Variants in FAM13A observed in about 807,000 individuals in gnomAD.
FAM13A encodes the protein family with sequence similarity 13 member A.
Under a neutral mutation model 129.6 loss-of-function variants are expected in FAM13A, and 76 were observed. The observed-to-expected ratio is 0.59, with a 90% CI of 0.49 to 0.71. The LOEUF (loss-of-function observed/expected upper bound fraction) is 0.71, where lower values mean the gene tolerates loss of function less well. FAM13A is among the 30% of genes least tolerant of loss of function. The pLI is 0.00. For missense variants in FAM13A, 1,108 were observed against 1,249.3 expected, an observed-to-expected ratio of 0.89 and a Z score of 1.70; for synonymous variants, 443 against 449.9, an observed-to-expected ratio of 0.98 and a Z score of 0.20.
At chr4:88,847,385 T>C (rs1019336172) in intron 7 of FAM13A, among the ~76,000 whole-genome samples, 9 of 152,154 alleles carry the variant, frequency 5.9e-5, no homozygotes, top group African/African-American at 1.9e-4. Context: ...AGTTAAAGCC[T>C]GTCTTAAAAA....
intron 9 of FAM13A, among the ~76,000 whole-genome samples, chr4:88,789,024 A>G (rs1364679182): frequency 6.6e-6 from 1 of 152,206 alleles, no homozygotes; most frequent in East Asian, 1.9e-4. Flanking sequence ...TAATCACAGT[A>G]CAGAGGATTG....
At chr4:89,046,715 G>C (rs796918269) in intron 1 of FAM13A, among the ~76,000 whole-genome samples, 14 of 152,226 alleles carry the variant, frequency 9.2e-5, no homozygotes, top group African/African-American at 3.4e-4. Flanking sequence ...GCCGGGTGTA[G>C]AGGCATGTGC....
At chr4:88,948,566 G>C (rs2148864750) in intron 4 of FAM13A, among the ~76,000 whole-genome samples, 1 of 151,752 alleles carries the variant, frequency 6.6e-6, no homozygotes, top group Admixed American at 6.6e-5. Context: ...TCAGCTCACT[G>C]CAACCTCCGC....
chr4:88,931,648 C>A (rs1005690212), intron 5 of FAM13A, among the ~76,000 whole-genome samples: 2 of 152,176 alleles, frequency 1.3e-5, no homozygotes, highest in Non-Finnish European at 2.9e-5. Flanking sequence ...TTGATCTCAA[C>A]TCTATGATCT....
chr4:89,015,141 T>C (rs1415618980), intron 3 of FAM13A, among the ~76,000 whole-genome samples: 2 of 152,138 alleles, frequency 1.3e-5, no homozygotes, highest in African/African-American at 4.8e-5. Flanking sequence ...CGAGGAAATT[T>C]TGGTCAGACT....
chr4:88,849,598 T>A (rs1359675587), intron 7 of FAM13A, among the ~76,000 whole-genome samples: 2 of 152,242 alleles, frequency 1.3e-5, no homozygotes, highest in Non-Finnish European at 2.9e-5. Context: ...TTATAATTTC[T>A]TAATATCTTT....
At chr4:88,958,360 C>A (rs573966722) in intron 4 of FAM13A, among the ~76,000 whole-genome samples, 3 of 152,336 alleles carry the variant, frequency 2.0e-5, no homozygotes, top group South Asian at 4.1e-4. Flanking sequence ...AGCTCCACCC[C>A]TGGCTCAAAG....
chr4:88,918,862 C>G (rs76630733), intron 5 of FAM13A, among the ~76,000 whole-genome samples: 152 of 152,300 alleles, frequency 1.0e-3, no homozygotes, highest in African/African-American at 3.4e-3. Context: ...AGCCACATGA[C>G]AAGCCAATTC....
At chr4:89,037,286 GA>G (rs1352583372) in intron 1 of FAM13A, among the ~76,000 whole-genome samples, 1 of 152,252 alleles carries the variant, frequency 6.6e-6, no homozygotes, top group Non-Finnish European at 1.5e-5. Context: ...GGGTGGCCTG[GA>G]TGTGAAACAA....
chr4:88,906,256 C>G, intron 6 of FAM13A, 123 bp downstream of exon 6: 1 of 707,352 alleles, frequency 1.4e-6, no homozygotes, highest in Non-Finnish European at 2.4e-6. Context: ...CCACTGCACT[C>G]CAGCCTGGAC....
At chr4:88,845,494 A>G (rs990983657) in intron 7 of FAM13A, among the ~76,000 whole-genome samples, 7 of 152,154 alleles carry the variant, frequency 4.6e-5, no homozygotes, top group African/African-American at 1.7e-4. Flanking sequence ...TGCATTTTGG[A>G]CAGAAGGGCG....
chr4:88,845,010 A>G (rs1047115370), intron 7 of FAM13A, among the ~76,000 whole-genome samples: 1 of 152,238 alleles, frequency 6.6e-6, no homozygotes, highest in African/African-American at 2.4e-5. Context: ...CATCACATAT[A>G]GAGTTAAGAG....
chr4:88,956,223 G>A (rs2148895970), intron 4 of FAM13A, among the ~76,000 whole-genome samples: 1 of 152,272 alleles, frequency 6.6e-6, no homozygotes. Context: ...TGACGTAGGT[G>A]TACCTTTTTA....
At chr4:88,748,858 G>C in intron 17 of FAM13A, 94 bp downstream of exon 17, 2 of 876,718 alleles carry the variant, frequency 2.3e-6, no homozygotes, top group Non-Finnish European at 3.9e-6. Flanking sequence ...AAGGACCGGG[G>C]AATGCCTTAG....
chr4:89,026,258 C>T (rs1399923182), intron 2 of FAM13A, among the ~76,000 whole-genome samples: 1 of 152,200 alleles, frequency 6.6e-6, no homozygotes, highest in East Asian at 1.9e-4. Flanking sequence ...ATCCTGGCTT[C>T]AAGATTTTGT....
chr4:88,942,748 G>A lies in FAM13A; in HGVS notation c.606-4507C>T, dbSNP rs561902689. Among the ~76,000 whole-genome samples, 60 of 152,064 alleles carry A rather than the reference G, an allele frequency of 3.9e-4. No individual in the cohort carries two copies. The South Asian group carries it at 5.6e-3, about 14-fold the overall frequency. On this transcript the variant is annotated intron_variant, in intron 4 of 23. Transcript: ENST00000264344. Reference sequence around the variant, plus strand: ...TCTTTCCTACCTTGCCTGAATATTCGTAGGCTACTAACTCTCCGAATTGCC... The same window carrying A: ...TCTTTCCTACCTTGCCTGAATATTCATAGGCTACTAACTCTCCGAATTGCC...
rs1373092612 is a variant in FAM13A, at chr4:88,990,978, G to A, written c.600C>T (p.Cys200=). ...GTAAAACTCCACTAACTTACTGAAA[G>A]CAATTTGGCCCAAATACAGTGGCGA... ...HNLATVFGPN[C]FHVPPGLEGM... is the part of the protein sequence containing the mutation. The change falls in exon 4 of 24, where the codon TGC becomes TGT. Residue 200 remains cysteine, a synonymous_variant. Coordinates refer to ENST00000264344, the MANE Select transcript of FAM13A (RefSeq NM_014883.4). 1 of 1,613,336 alleles carries A rather than the reference G, an allele frequency of 6.2e-7. No individual in the cohort carries two copies. Among genetic ancestry groups the A allele is most frequent in the Non-Finnish European group, 8.5e-7 (1 of 1,179,498 alleles).
chr4:88,954,682 C>T (rs950989783), intron 4 of FAM13A, among the ~76,000 whole-genome samples: 10 of 152,076 alleles, frequency 6.6e-5, no homozygotes, highest in Admixed American at 2.6e-4. Context: ...CTCAGGAGTT[C>T]GTCACCAGCC....
chr4:88,911,586 A>G (rs1749095585), intron 5 of FAM13A, among the ~76,000 whole-genome samples: 1 of 152,160 alleles, frequency 6.6e-6, no homozygotes, highest in African/African-American at 2.4e-5. Flanking sequence ...AAATCATTCA[A>G]TCCTCTCTGC....
Sources: allele counts gnomAD v4.1 joint callset (sites outside exome capture counted in the v4.1 genomes callset), GRCh38; gene constraint gnomAD v4.1.1; transcripts MANE v1.5; gene names NCBI Gene and HGNC (gene_info 2026-07-23, HGNC 2026-07-21).